The following GOLPH3 variants were observed in gnomAD, a reference collection of about 807,000 sequenced individuals.
GOLPH3 encodes coat protein GPP34.
In GOLPH3, 14 loss-of-function variants were observed where a neutral mutation model predicts 28.5. The ratio of observed to expected loss-of-function variants is 0.49; its 90% CI spans 0.32 to 0.77. The LOEUF (loss-of-function observed/expected upper bound fraction) is 0.77, where lower values mean the gene tolerates loss of function less well. Among genes scored for constraint, GOLPH3 ranks in the 30% least tolerant of loss-of-function variants. The pLI is 0.03. For missense variants in GOLPH3, 350 were observed against 393.7 expected (o/e 0.89, Z 0.94); for synonymous variants, 158 against 159.2 (o/e 0.99, Z 0.06).
chr5:32,135,595 T>A lies in GOLPH3; in HGVS notation c.449A>T (p.Gln150Leu). 2 of 1,611,698 alleles carry A rather than the reference T, an allele frequency of 1.2e-6. No individual in the cohort carries two copies. Among genetic ancestry groups the A allele is most frequent in the Non-Finnish European group, 1.7e-6 (2 of 1,177,756 alleles). ...ACCACTAAGTAATTCAATCCAGTTC[T>A]GGACCGTTTCTGGAGGCTGAGTTTC... ...VKETQPPETVQNWIELLSGET... is the reference protein window; with the variant it reads ...VKETQPPETVLNWIELLSGET... The change falls in exon 3 of 4, where the codon CAG becomes CTG. Residue 150 changes from glutamine to leucine, a missense_variant. Gln to Leu is a moderately radical substitution (Grantham distance 113). Coordinates refer to ENST00000265070, the MANE Select transcript of GOLPH3 (RefSeq NM_022130.4).
At chr5:32,155,520 ATAAAGCT>A (rs1746399846) in intron 1 of GOLPH3, among the ~76,000 whole-genome samples, 2 of 152,222 alleles carry the variant, frequency 1.3e-5, no homozygotes, top group South Asian at 2.1e-4. Flanking sequence ...TTAAATCTCA[ATAAAGCT>A]GTTACCAAAA....
intron 1 of GOLPH3, among the ~76,000 whole-genome samples, chr5:32,151,679 C>CA (rs1334516847): frequency 6.6e-6 from 1 of 151,594 alleles, no homozygotes; most frequent in Non-Finnish European, 1.5e-5. Flanking sequence ...CCACCTAATT[C>CA]AAAAAAAGGC....
At chr5:32,164,019 G>A (rs1746650990) in intron 1 of GOLPH3, among the ~76,000 whole-genome samples, 4 of 152,194 alleles carry the variant, frequency 2.6e-5, no homozygotes, top group African/African-American at 9.6e-5. Context: ...CCAGAAGGTA[G>A]TGGTGGAATA....
At position 32,173,937 on chromosome 5, in the gene GOLPH3, G is replaced by A. The variant is rs1408121699; in HGVS notation, c.98C>T (p.Ala33Val). The change falls in exon 1 of 4, where the codon GCC (alanine) becomes GTC (valine). Residue 33 changes from alanine (A) to valine (V), a missense_variant. Transcript: ENST00000265070. Reference protein sequence around the residue: ...ADKERAAGGGAGSSEDDAQSR... With the variant: ...ADKERAAGGGVGSSEDDAQSR... Reference sequence around the variant, plus strand: ...CTGCGCGTCGTCCTCGCTGCTGCCGGCGCCGCCGCCCGCCGCCCGCTCCTT... The same window carrying A: ...CTGCGCGTCGTCCTCGCTGCTGCCGACGCCGCCGCCCGCCGCCCGCTCCTT... 1.3e-6 allele frequency: 2 copies of A among 1,482,010 alleles called. No homozygotes were observed. The highest frequency in any genetic ancestry group is 1.8e-6 in the Non-Finnish European group (2 of 1,122,192). The allele number at this position is 1,482,010 out of a possible 1,614,324, so 91.8% of individuals were successfully genotyped here.
At chr5:32,166,709 G>A (rs1054637704) in intron 1 of GOLPH3, among the ~76,000 whole-genome samples, 6 of 152,032 alleles carry the variant, frequency 3.9e-5, no homozygotes, top group African/African-American at 1.5e-4. Flanking sequence ...TTGGGAGGCT[G>A]AGGCAGGAGA....
At chr5:32,135,532 T>A in intron 3 of GOLPH3, 40 bp downstream of exon 3, 1 of 1,220,158 alleles carries the variant, frequency 8.2e-7, no homozygotes, top group Non-Finnish European at 1.2e-6. Flanking sequence ...CGCAATCTTT[T>A]AAACAGAAGT....
chr5:32,129,457 T>C (rs1044457148), intron 3 of GOLPH3, among the ~76,000 whole-genome samples: 17 of 152,168 alleles, frequency 1.1e-4, no homozygotes, highest in African/African-American at 2.9e-4. Flanking sequence ...AAGAATCCTG[T>C]TAGGTACTGA....
At chr5:32,167,330 T>A (rs2111897242) in intron 1 of GOLPH3, among the ~76,000 whole-genome samples, 1 of 152,060 alleles carries the variant, frequency 6.6e-6, no homozygotes, top group Non-Finnish European at 1.5e-5. Flanking sequence ...CGCCACCATG[T>A]CTGGCTAATT....
Position 32,174,086 on chromosome 5 carries a change from G to A in GOLPH3, c.-52C>T. 8.4e-7 allele frequency: 1 copy of A among 1,187,670 alleles called. No homozygotes were observed. The highest frequency in any genetic ancestry group is 3.3e-5 in the East Asian group (1 of 30,588). The allele number at this position is 1,187,670 out of a possible 1,614,324, so 73.6% of individuals were successfully genotyped here. A position where few individuals can be genotyped will look rare whatever the true frequency, so the allele number is the denominator to read the frequency against. On this transcript the variant is annotated 5_prime_UTR_variant, in exon 1 of 4. Coordinates refer to ENST00000265070, the MANE Select transcript of GOLPH3 (RefSeq NM_022130.4). ...CCGAGAGGGTCGCAGGACCGACCGGGTCGCCCTCCTCCTCCCCGCGCGGCC... is the reference window on the plus strand; with the variant it reads ...CCGAGAGGGTCGCAGGACCGACCGGATCGCCCTCCTCCTCCCCGCGCGGCC...
chr5:32,138,452 T>A (rs1243410744), intron 2 of GOLPH3, among the ~76,000 whole-genome samples: 1 of 152,154 alleles, frequency 6.6e-6, no homozygotes, highest in Non-Finnish European at 1.5e-5. Flanking sequence ...TTGTTACGTA[T>A]ATATACATGA....
chr5:32,156,610 TGGAGCGGCGG>T (rs561033999), intron 1 of GOLPH3, among the ~76,000 whole-genome samples: 143 of 152,282 alleles, frequency 9.4e-4, no homozygotes, highest in African/African-American at 3.3e-3. Context: ...TTCCACGGAC[TGGAGCGGCGG>T]GGGGGATGGT....
chr5:32,126,048 G>T lies in GOLPH3; in HGVS notation c.*164C>A. On this transcript the variant is annotated 3_prime_UTR_variant, in exon 4 of 4. Transcript: ENST00000265070. ...AGAAAGAGGAAGGCCTCTCGTACCA[G>T]CAGAATCCTGTACACGTACAAAAAA... 1.5e-6 allele frequency: 1 copy of T among 667,828 alleles called. No individual in the cohort carries two copies. The highest frequency in any genetic ancestry group is 2.5e-6 in the Non-Finnish European group (1 of 400,564). The allele number at this position is 667,828 out of a possible 1,614,324, so 41.4% of individuals were successfully genotyped here.
At chr5:32,141,125 T>A (rs1040273681) in intron 2 of GOLPH3, among the ~76,000 whole-genome samples, 1 of 146,720 alleles carries the variant, frequency 6.8e-6, no homozygotes, top group African/African-American at 2.5e-5. Flanking sequence ...ATCACGCCAC[T>A]GCACTCCAGC....
intron 1 of GOLPH3, among the ~76,000 whole-genome samples, chr5:32,157,307 C>T (rs893086850): frequency 3.9e-5 from 6 of 152,264 alleles, no homozygotes; most frequent in Non-Finnish European, 5.9e-5. Flanking sequence ...CAGTCTCCTC[C>T]GTTCTTTCCC....
chr5:32,157,147 T>C (rs1178940303), intron 1 of GOLPH3, among the ~76,000 whole-genome samples: 1 of 152,204 alleles, frequency 6.6e-6, no homozygotes, highest in African/African-American at 2.4e-5. Flanking sequence ...AGGGATCTTA[T>C]CTGCCACTCC....
chr5:32,148,625 A>G lies in GOLPH3; in HGVS notation c.226-4745T>C, dbSNP rs186796708. Among the ~76,000 whole-genome samples the G allele has an allele frequency of 2.5e-3, 377 of 152,188 alleles. 3 individuals are homozygous for G. Among genetic ancestry groups the G allele is most frequent in the African/African-American group, 8.3e-3 (343 of 41,526 alleles). On this transcript the variant is annotated intron_variant, in intron 1 of 3. Coordinates refer to ENST00000265070, the MANE Select transcript of GOLPH3 (RefSeq NM_022130.4). ...ATCCTGGCTAACACGGTGAAACCCC[A>G]TCTCTACTAAAAATATAAAAAATTA...
intron 1 of GOLPH3, among the ~76,000 whole-genome samples, chr5:32,164,900 C>CT (rs760066281): frequency 0.088 from 10,527 of 119,666 alleles, 1,183 homozygotes; most frequent in African/African-American, 0.24. Context: ...ATTATGTATT[C>CT]TTTTTTTTTT....
At chr5:32,129,727 C>A (rs948702451) in intron 3 of GOLPH3, among the ~76,000 whole-genome samples, 1 of 152,170 alleles carries the variant, frequency 6.6e-6, no homozygotes, top group Non-Finnish European at 1.5e-5. Flanking sequence ...TTCACCACAT[C>A]CTACGAAAGG....
intron 1 of GOLPH3, among the ~76,000 whole-genome samples, chr5:32,162,304 A>G (rs757763306): frequency 6.6e-6 from 1 of 150,672 alleles, no homozygotes; most frequent in Non-Finnish European, 1.5e-5. Flanking sequence ...CATCCTGGCT[A>G]ACACGATGAA....
Sources: gnomAD v4.1 joint callset for allele counts (sites outside exome capture counted in the v4.1 genomes callset) on GRCh38, gnomAD v4.1.1 for gene constraint, MANE v1.5 for transcripts, NCBI Gene and HGNC (gene_info 2026-07-23, HGNC 2026-07-21) for gene names.